Variants in TMTC2 observed in about 807,000 individuals in gnomAD.
TMTC2 encodes the protein transmembrane O-mannosyltransferase targeting cadherins 2.
In TMTC2, 43 loss-of-function variants were observed where a neutral mutation model predicts 82.4. That is an observed-to-expected ratio of 0.52 (90% CI 0.41 to 0.67). The LOEUF is 0.67. Ranked by LOEUF, TMTC2 falls within the 30% of genes least tolerant of loss-of-function variation. The pLI is 0.00. For missense variants in TMTC2, 919 were observed against 1,012.4 expected, an observed-to-expected ratio of 0.91 and a Z score of 1.25; for synonymous variants, 408 against 381.9, an observed-to-expected ratio of 1.07 and a Z score of -0.80.
chr12:82,922,525 T>TC (rs1875456736), intron 3 of TMTC2, among the ~76,000 whole-genome samples: 1 of 152,140 alleles, frequency 6.6e-6, no homozygotes, highest in Non-Finnish European at 1.5e-5. Context: ...TCTTTTTTTT[T>TC]CCCTTCACTG....
chr12:82,899,619 AGAATATATATATGTG>A (rs1873867313), intron 3 of TMTC2, among the ~76,000 whole-genome samples: 1 of 132,870 alleles, frequency 7.5e-6, no homozygotes, highest in African/African-American at 3.3e-5. Context: ...TATATATATA[AGAATATATATATGTG>A]GAATATATAT....
intron 1 of TMTC2, among the ~76,000 whole-genome samples, chr12:82,795,155 A>C (rs113719845): frequency 0.012 from 1,894 of 151,796 alleles, 39 homozygotes; most frequent in African/African-American, 0.044. Flanking sequence ...AAATACAAAA[A>C]TTAGCTGGGC....
intron 8 of TMTC2, among the ~76,000 whole-genome samples, chr12:83,013,299 C>T (rs974379275): frequency 6.6e-6 from 1 of 152,028 alleles, no homozygotes; most frequent in African/African-American, 2.4e-5. Flanking sequence ...AAATGACATT[C>T]TCCAAAAGAA....
At chr12:83,121,523 G>C (rs773179670) in intron 11 of TMTC2, among the ~76,000 whole-genome samples, 2 of 152,096 alleles carry the variant, frequency 1.3e-5, no homozygotes, top group Non-Finnish European at 2.9e-5. Flanking sequence ...GGGTATCTCA[G>C]CTGTGGAAAC....
chr12:83,050,316 G>T (rs980467845), intron 9 of TMTC2, among the ~76,000 whole-genome samples: 4 of 140,490 alleles, frequency 2.8e-5, no homozygotes, highest in Non-Finnish European at 6.4e-5. Flanking sequence ...ATATGTTTCT[G>T]GGATAGCATT....
At chr12:82,940,518 C>T (rs373370644) in intron 4 of TMTC2, among the ~76,000 whole-genome samples, 44 of 151,182 alleles carry the variant, frequency 2.9e-4, no homozygotes, top group Non-Finnish European at 5.7e-4. Context: ...CCTAGATATG[C>T]GTAATTTCAA....
chr12:82,998,615 A>G (rs1030114466), intron 8 of TMTC2, among the ~76,000 whole-genome samples: 1 of 152,200 alleles, frequency 6.6e-6, no homozygotes, highest in Non-Finnish European at 1.5e-5. Context: ...TTTTCCTCAC[A>G]TATCTCTGGC....
At chr12:82,862,112 A>T (rs1419598818) in intron 2 of TMTC2, among the ~76,000 whole-genome samples, 1 of 152,156 alleles carries the variant, frequency 6.6e-6, no homozygotes, top group African/African-American at 2.4e-5. Context: ...CATTACTTAG[A>T]TTACTTTCAC....
chr12:82,889,572 A>T (rs1434592632), intron 2 of TMTC2, among the ~76,000 whole-genome samples: 1 of 152,142 alleles, frequency 6.6e-6, no homozygotes, highest in Non-Finnish European at 1.5e-5. Flanking sequence ...CTTAAATAAA[A>T]AATAAAAGGC....
intron 1 of TMTC2, among the ~76,000 whole-genome samples, chr12:82,741,079 T>A (rs907633024): frequency 1.3e-5 from 2 of 152,228 alleles, no homozygotes; most frequent in African/African-American, 4.8e-5. Context: ...TGATACCCAC[T>A]TTGAAATTTG....
At chr12:82,812,619 T>C (rs1041497279) in intron 1 of TMTC2, among the ~76,000 whole-genome samples, 1 of 152,096 alleles carries the variant, frequency 6.6e-6, no homozygotes, top group African/African-American at 2.4e-5. Flanking sequence ...AAGATAGAAT[T>C]ATGGAAAGCA....
At chr12:82,901,781 C>T (rs576491475) in intron 3 of TMTC2, among the ~76,000 whole-genome samples, 2 of 152,166 alleles carry the variant, frequency 1.3e-5, no homozygotes, top group East Asian at 1.9e-4. Context: ...CCGTGGGTGC[C>T]AGAGATGCCA....
At chr12:82,878,814 G>A (rs1179804158) in intron 2 of TMTC2, among the ~76,000 whole-genome samples, 2 of 152,062 alleles carry the variant, frequency 1.3e-5, no homozygotes, top group Non-Finnish European at 2.9e-5. Context: ...GAAGGAGGAG[G>A]ATCTCTTGAG....
At chr12:82,727,660 G>A (rs1023759229) in intron 1 of TMTC2, among the ~76,000 whole-genome samples, 2 of 151,736 alleles carry the variant, frequency 1.3e-5, no homozygotes, top group African/African-American at 4.8e-5. Flanking sequence ...GGCGGAGGGT[G>A]TAGTGAGCTG....
At chr12:82,895,121 G>C (rs1041268380) in intron 2 of TMTC2, among the ~76,000 whole-genome samples, 5 of 151,882 alleles carry the variant, frequency 3.3e-5, no homozygotes, top group African/African-American at 1.2e-4. Context: ...CCGGCCTAAA[G>C]TAATTTTATT....
At chr12:82,718,650 T>C (rs1189001316) in intron 1 of TMTC2, among the ~76,000 whole-genome samples, 1 of 152,164 alleles carries the variant, frequency 6.6e-6, no homozygotes, top group Non-Finnish European at 1.5e-5. Context: ...TTGAACCACA[T>C]GACAGGGCCA....
At chr12:83,101,476 T>C (rs1884212266) in intron 11 of TMTC2, among the ~76,000 whole-genome samples, 1 of 152,214 alleles carries the variant, frequency 6.6e-6, no homozygotes, top group African/African-American at 2.4e-5. Flanking sequence ...TGTCTTTCAG[T>C]TAGCATTATG....
chr12:83,105,711 G>A (rs1042397792), intron 11 of TMTC2, among the ~76,000 whole-genome samples: 4 of 152,132 alleles, frequency 2.6e-5, no homozygotes, highest in Admixed American at 6.5e-5. Flanking sequence ...CATGAGATTG[G>A]GGTGGGGACA....
chr12:82,833,729 C>T (rs541082987), intron 1 of TMTC2, among the ~76,000 whole-genome samples: 14 of 152,064 alleles, frequency 9.2e-5, no homozygotes, highest in Non-Finnish European at 1.0e-4. Flanking sequence ...TAATGCTGAC[C>T]AGAGCTCTGT....
Sources: allele counts gnomAD v4.1 joint callset (sites outside exome capture counted in the v4.1 genomes callset), GRCh38; gene constraint gnomAD v4.1.1; transcripts MANE v1.5; gene names NCBI Gene and HGNC (gene_info 2026-07-23, HGNC 2026-07-21).